The following TUSC3 variants were observed in gnomAD, a reference collection of about 807,000 sequenced individuals.
TUSC3 encodes the protein dolichyl-diphosphooligosaccharide--protein glycosyltransferase subunit TUSC3.
Under a neutral mutation model 44.8 loss-of-function variants are expected in TUSC3, and 45 were observed. The ratio of observed to expected loss-of-function variants is 1.00; its 90% CI spans 0.79 to 1.29. The LOEUF is 1.29. TUSC3 is among the 50% of genes most tolerant of loss of function. The pLI is 0.00. For synonymous variants in TUSC3, 212 were observed against 152.9 expected, an observed-to-expected ratio of 1.39 and a Z score of -2.85; for missense variants, 519 against 437.9, an observed-to-expected ratio of 1.19 and a Z score of -1.65.
chr8:15,651,217 GTCTTAT>G (rs1806889553), intron 3 of TUSC3, among the ~76,000 whole-genome samples: 1 of 152,054 alleles, frequency 6.6e-6, no homozygotes, highest in Non-Finnish European at 1.5e-5. Flanking sequence ...ACATGCATTG[GTCTTAT>G]TCTGGCATTT....
chr8:15,471,238 C>A (rs912927581), intron 1 of TUSC3, among the ~76,000 whole-genome samples: 1 of 152,218 alleles, frequency 6.6e-6, no homozygotes, highest in Admixed American at 6.5e-5. Context: ...CTGTATAGCT[C>A]ATGTTTATTT....
At chr8:15,664,884 T>G (rs1187600927) in intron 5 of TUSC3, among the ~76,000 whole-genome samples, 1 of 151,032 alleles carries the variant, frequency 6.6e-6, no homozygotes, top group African/African-American at 2.4e-5. Flanking sequence ...AATTGGGTCT[T>G]CTTTATCATT....
At chr8:15,529,899 G>A (rs1049188133) in intron 2 of TUSC3, among the ~76,000 whole-genome samples, 1 of 77,766 alleles carries the variant, frequency 1.3e-5, no homozygotes, top group African/African-American at 5.6e-5. Flanking sequence ...CTGGGTTCAC[G>A]CCATTCTCCT....
At chr8:15,715,699 GA>G (rs5889599) in intron 6 of TUSC3, among the ~76,000 whole-genome samples, 6,726 of 140,902 alleles carry the variant, frequency 0.048, 427 homozygotes, top group African/African-American at 0.16. Context: ...ATGTAAAACA[GA>G]AAAAAAAAAA....
At chr8:15,527,724 A>G (rs545996022) in intron 2 of TUSC3, among the ~76,000 whole-genome samples, 2 of 152,220 alleles carry the variant, frequency 1.3e-5, no homozygotes, top group South Asian at 4.1e-4. Flanking sequence ...AATACTTCTG[A>G]AGCTCACTTT....
chr8:15,541,746 TG>T (rs1195612931), intron 1 of TUSC3, among the ~76,000 whole-genome samples: 3 of 152,110 alleles, frequency 2.0e-5, no homozygotes, highest in Non-Finnish European at 2.9e-5. Flanking sequence ...TATAAATTAA[TG>T]ATTTTTTTTA....
intron 1 of TUSC3, among the ~76,000 whole-genome samples, chr8:15,479,569 G>C (rs1800630962): frequency 6.6e-6 from 1 of 151,990 alleles, no homozygotes; most frequent in Non-Finnish European, 1.5e-5. Context: ...ATTTTTGTAA[G>C]GTTTGTCAAA....
At chr8:15,607,468 A>T (rs1274213288) in intron 1 of TUSC3, among the ~76,000 whole-genome samples, 2 of 152,168 alleles carry the variant, frequency 1.3e-5, no homozygotes, top group East Asian at 3.8e-4. Flanking sequence ...AGCAAAATAG[A>T]AATAAAGATG....
intron 6 of TUSC3, among the ~76,000 whole-genome samples, chr8:15,678,078 A>G (rs756995544): frequency 2.6e-5 from 4 of 152,204 alleles, no homozygotes; most frequent in Non-Finnish European, 5.9e-5. Flanking sequence ...ATTGTGAGCC[A>G]CTGAACCTTA....
At chr8:15,469,748 T>A (rs979676034) in intron 1 of TUSC3, among the ~76,000 whole-genome samples, 1 of 152,230 alleles carries the variant, frequency 6.6e-6, no homozygotes, top group African/African-American at 2.4e-5. Flanking sequence ...AGAACCAAGA[T>A]GTCCTTCAGT....
At chr8:15,808,184 T>C in the TUSC3 span, among the ~76,000 whole-genome samples, 3 of 152,166 alleles carry the variant, frequency 2.0e-5, no homozygotes, top group South Asian at 2.1e-4. Flanking sequence ...AACAATTACC[T>C]GCAATCTTTA....
intron 1 of TUSC3, among the ~76,000 whole-genome samples, chr8:15,444,120 T>G (rs532593370): frequency 3.5e-4 from 54 of 152,352 alleles, no homozygotes; most frequent in African/African-American, 1.1e-3. Flanking sequence ...TGCTAATTTT[T>G]GTATTATATT....
rs113421840 is a variant in TUSC3, at chr8:15,673,997, TACAC to T, written c.798+173_798+176del. ...TGTGTCACCTATATACACATGTGCA[TACAC>T]ACACACACACAATATTACTTTTGTT... On this transcript the variant is annotated intron_variant, in intron 6 of 10. Transcript: ENST00000503731. 0.21 allele frequency among the ~76,000 whole-genome samples: 31,985 copies of T among 151,508 alleles called. 4,198 individuals are homozygous for T. The highest frequency in any genetic ancestry group is 0.3 in the Non-Finnish European group (20,340 of 67,728).
chr8:15,472,100 A>G (rs1236812035), intron 1 of TUSC3, among the ~76,000 whole-genome samples: 1 of 152,200 alleles, frequency 6.6e-6, no homozygotes, highest in African/African-American at 2.4e-5. Context: ...GCTTTGAGAA[A>G]ACTTTTTAGG....
intron 1 of TUSC3, among the ~76,000 whole-genome samples, chr8:15,589,564 T>C (rs1441758172): frequency 6.6e-6 from 1 of 152,176 alleles, no homozygotes; most frequent in African/African-American, 2.4e-5. Flanking sequence ...TGCCTTGAGA[T>C]AGACAATTAG....
intron 1 of TUSC3, among the ~76,000 whole-genome samples, chr8:15,446,564 A>G (rs1800105948): frequency 1.3e-5 from 2 of 151,844 alleles, no homozygotes; most frequent in Middle Eastern, 3.2e-3. Flanking sequence ...CGTCTCCACC[A>G]AAAAATACAA....
chr8:15,625,283 G>C lies in TUSC3; in HGVS notation c.308+2034G>C, dbSNP rs902169289. Among the ~76,000 whole-genome samples the C allele has an allele frequency of 9.2e-5, 14 of 152,200 alleles. No homozygotes were observed. In the East Asian group the frequency reaches 2.3e-3, roughly 25 times the overall value. ...AGAAGTTTGATCTAAGTTAATGATA[G>C]ACACTGGTCTGTAGTTTTTATTGTT... On this transcript the variant is annotated intron_variant, in intron 2 of 10. Transcript: ENST00000503731.
chr8:15,477,580 A>T (rs1800596074), intron 1 of TUSC3, among the ~76,000 whole-genome samples: 1 of 151,898 alleles, frequency 6.6e-6, no homozygotes, highest in African/African-American at 2.4e-5. Flanking sequence ...AAATTAGCCA[A>T]GTGAGGTGGC....
In TUSC3 at chr8:15,617,397, C is replaced by T. The variant is rs28433980; in HGVS notation, c.139-5683C>T. Among the ~76,000 whole-genome samples, 1,244 of 152,054 alleles carry T rather than the reference C, an allele frequency of 8.2e-3. 17 individuals are homozygous for T. The highest frequency in any genetic ancestry group is 0.028 in the African/African-American group (1,149 of 41,472). Reference sequence around the variant, plus strand: ...TCTTGATCTGCCCGCCTAGGCTTCCCAAAGTGCTAGGATTACAGGCGTGAG... The same window carrying T: ...TCTTGATCTGCCCGCCTAGGCTTCCTAAAGTGCTAGGATTACAGGCGTGAG... On this transcript the variant is annotated intron_variant, in intron 1 of 10. Coordinates refer to ENST00000503731, the MANE Select transcript of TUSC3 (RefSeq NM_006765.4).
Sources: gnomAD v4.1 joint callset for allele counts (sites outside exome capture counted in the v4.1 genomes callset) on GRCh38, gnomAD v4.1.1 for gene constraint, MANE v1.5 for transcripts, NCBI Gene and HGNC (gene_info 2026-07-23, HGNC 2026-07-21) for gene names.